The following GABARAPL1 variants were observed in gnomAD, a reference collection of about 807,000 sequenced individuals.
GABARAPL1 encodes the protein GABA type A receptor associated protein like 1, also known as gamma-aminobutyric acid receptor-associated protein-like 1.
A neutral mutation model predicts 14.5 loss-of-function variants in GABARAPL1; 4 were observed. The ratio of observed to expected loss-of-function variants is 0.28; its 90% confidence interval spans 0.14 to 0.63. GABARAPL1 has a LOEUF of 0.63. Ranked by LOEUF, GABARAPL1 falls within the 30% of genes least tolerant of loss-of-function variation. The pLI, the probability that GABARAPL1 is intolerant of heterozygous loss-of-function variation, is 0.84. For synonymous variants in GABARAPL1, 47 were observed against 50.6 expected (o/e 0.93, Z 0.30); for missense variants, 82 against 139.2 (o/e 0.59, Z 2.07).
chr12:10,213,502 C>T, intron 1 of GABARAPL1: 1 of 404,380 alleles, frequency 2.5e-6, no homozygotes, highest in Non-Finnish European at 4.7e-6. Flanking sequence ...ACGGTCTCAG[C>T]AGCTGAGACC....
chr12:10,219,537 C>T (rs1375689914), intron 2 of GABARAPL1, among the ~76,000 whole-genome samples: 2 of 152,096 alleles, frequency 1.3e-5, no homozygotes, highest in African/African-American at 4.8e-5. Flanking sequence ...TGTGGTGGCT[C>T]ATGCCTGTAA....
At position 10,221,824 on chromosome 12, in the gene GABARAPL1, A is replaced by G; in HGVS notation, c.326A>G (p.Tyr109Cys). 6.2e-7 allele frequency: 1 copy of G among 1,614,088 alleles called. No homozygotes were observed. Among genetic ancestry groups the G allele is most frequent in the Non-Finnish European group, 8.5e-7 (1 of 1,179,942 alleles). The part of the protein sequence containing the change: ...HEEDYFLYVA[Y>C]SDESVYGK ...GAAGACTATTTTCTGTATGTGGCCTACAGTGATGAGAGTGTCTATGGGAAA... is the reference window on the plus strand; with the variant it reads ...GAAGACTATTTTCTGTATGTGGCCTGCAGTGATGAGAGTGTCTATGGGAAA... The change falls in exon 4 of 4, where the codon TAC becomes TGC. Residue 109 changes from tyrosine to cysteine, a missense_variant. Physicochemically the swap from Tyr to Cys is radical, Grantham distance 194. Coordinates refer to ENST00000266458, the MANE Select transcript of GABARAPL1 (RefSeq NM_031412.4).
intron 3 of GABARAPL1, chr12:10,221,304 T>G: frequency 8.2e-6 from 8 of 972,524 alleles, no homozygotes; most frequent in Non-Finnish European, 9.8e-6. Flanking sequence ...GAGGAAACTA[T>G]AGTGAAGGAC....
intron 2 of GABARAPL1, among the ~76,000 whole-genome samples, chr12:10,219,859 C>T (rs905703275): frequency 6.6e-6 from 1 of 152,074 alleles, no homozygotes; most frequent in Non-Finnish European, 1.5e-5. Flanking sequence ...GGAATACACA[C>T]TGCATCCAGG....
At chr12:10,219,283 C>T (rs1183454812) in intron 2 of GABARAPL1, among the ~76,000 whole-genome samples, 2 of 150,522 alleles carry the variant, frequency 1.3e-5, no homozygotes, top group Non-Finnish European at 2.9e-5. Flanking sequence ...CGCACCACTG[C>T]ACTCCAGGCT....
intron 3 of GABARAPL1, chr12:10,221,022 C>T: frequency 1.0e-6 from 1 of 985,400 alleles, no homozygotes; most frequent in South Asian, 4.7e-5. Flanking sequence ...AGGCCAGCCT[C>T]TGCCAACTGA....
At chr12:10,221,116 CTT>C (rs1305868220) in intron 3 of GABARAPL1, 9 of 985,012 alleles carry the variant, frequency 9.1e-6, no homozygotes, top group African/African-American at 1.7e-5. Context: ...CAAGGGGAAA[CTT>C]TTCTTAGAAC....
At chr12:10,221,484 A>G (rs1949120167) in intron 3 of GABARAPL1, 1 of 912,464 alleles carries the variant, frequency 1.1e-6, no homozygotes, top group South Asian at 5.1e-5. Context: ...GTCCCATTAT[A>G]TATCCATCTG....
chr12:10,217,147 A>G (rs530592673), intron 1 of GABARAPL1, among the ~76,000 whole-genome samples: 1 of 152,224 alleles, frequency 6.6e-6, no homozygotes. Context: ...GATCTTTATT[A>G]GAAGTATATA....
At chr12:10,220,773 A>ATCTTGTCTGACTATAG in intron 3 of GABARAPL1, 2 of 1,481,432 alleles carry the variant, frequency 1.4e-6, no homozygotes, top group Non-Finnish European at 1.8e-6. Context: ...TCCTTCTGAA[A>ATCTTGTCTGACTATAG]TCTTGTCTGA....
In GABARAPL1 at chr12:10,215,502, T is replaced by C. The variant is rs1949082352; in HGVS notation, c.90+2283T>C. Among the ~76,000 whole-genome samples the C allele has an allele frequency of 2.6e-5, 4 of 152,196 alleles. No homozygotes were observed. In the South Asian group the frequency reaches 8.3e-4, roughly 31 times the overall value. ...AACTGAGACCCAAAGAGGCAAAGCA[T>C]CTAGCCCAGGGGTCTACCATAGTGA... On this transcript the variant is annotated intron_variant, in intron 1 of 3. Coordinates refer to ENST00000266458, the MANE Select transcript of GABARAPL1 (RefSeq NM_031412.4).
At chr12:10,216,532 C>G (rs979917236) in intron 1 of GABARAPL1, among the ~76,000 whole-genome samples, 1 of 127,178 alleles carries the variant, frequency 7.9e-6, no homozygotes, top group African/African-American at 2.9e-5. Flanking sequence ...ACTATATTTT[C>G]TTTTCTTTTT....
At chr12:10,213,664 C>G (rs1401124349) in intron 1 of GABARAPL1, 1 of 348,104 alleles carries the variant, frequency 2.9e-6, no homozygotes, top group Non-Finnish European at 5.7e-6. Context: ...GCTGGTTCTC[C>G]TTTAATGAAG....
chr12:10,215,096 G>A (rs576159169), intron 1 of GABARAPL1, among the ~76,000 whole-genome samples: 1 of 152,246 alleles, frequency 6.6e-6, no homozygotes, highest in South Asian at 2.1e-4. Flanking sequence ...TATGACGCAG[G>A]TTCCTTGATT....
chr12:10,221,528 CTT>C, intron 3 of GABARAPL1: 1 of 738,086 alleles, frequency 1.4e-6, no homozygotes, highest in Non-Finnish European at 1.7e-6. Context: ...GGAGTGAGCT[CTT>C]TAAGAGTGAG....
intron 1 of GABARAPL1, chr12:10,214,872 G>A (rs1271783657): frequency 6.6e-6 from 1 of 152,176 alleles, no homozygotes; most frequent in East Asian, 1.9e-4. Flanking sequence ...ACACTGTTAA[G>A]TATTGGAAAT....
intron 1 of GABARAPL1, among the ~76,000 whole-genome samples, chr12:10,216,118 C>T (rs532968837): frequency 9.1e-4 from 139 of 152,252 alleles, no homozygotes; most frequent in African/African-American, 3.1e-3. Flanking sequence ...CACCTGTAAT[C>T]GCAGTACTTC....
intron 1 of GABARAPL1, chr12:10,213,448 TTTGGGGGCCGAGCCGCCGTCTTCAG>T (rs1292176375): frequency 6.9e-6 from 4 of 576,182 alleles, no homozygotes; most frequent in Non-Finnish European, 1.3e-5. Context: ...CTGACGGCGT[TTTGGGGGCCGAGCCGCCGTCTTCAG>T]TGACTCAGCA....
At chr12:10,216,302 T>C (rs1426283743) in intron 1 of GABARAPL1, among the ~76,000 whole-genome samples, 3 of 151,564 alleles carry the variant, frequency 2.0e-5, no homozygotes, top group African/African-American at 7.3e-5. Flanking sequence ...GCCCAGGAGG[T>C]GGAGGTTGCA....
Sources: allele counts gnomAD v4.1 joint callset (sites outside exome capture counted in the v4.1 genomes callset), GRCh38; gene constraint gnomAD v4.1.1; transcripts MANE v1.5; gene names NCBI Gene and HGNC (gene_info 2026-07-23, HGNC 2026-07-21).